The following MID1 variants were observed in gnomAD, a reference collection of about 807,000 sequenced individuals.
MID1 encodes E3 ubiquitin-protein ligase Midline-1.
Under a neutral mutation model 40.4 loss-of-function variants are expected in MID1, and 7 were observed. The observed-to-expected ratio is 0.17, with a 90% CI of 0.10 to 0.33. The LOEUF is 0.33. Ranked by LOEUF, MID1 falls within the 10% of genes least tolerant of loss-of-function variation. The pLI, the probability that MID1 is intolerant of heterozygous loss-of-function variation, is 1.00. For missense variants in MID1, 367 were observed against 558.5 expected, an observed-to-expected ratio of 0.66 and a Z score of 3.46; for synonymous variants, 229 against 221.2, an observed-to-expected ratio of 1.04 and a Z score of -0.31.
chrX:10,589,503 A>G (rs761966701), intron 1 of MID1: 1 of 111,784 alleles, frequency 8.9e-6, no homozygotes, highest in South Asian at 3.9e-4. Flanking sequence ...AACCAAAACC[A>G]AAGTGCCGAT....
intron 1 of MID1, among the ~76,000 whole-genome samples, chrX:10,647,368 T>C (rs1216204430): frequency 9.0e-6 from 1 of 111,444 alleles, no homozygotes. Context: ...TATTTCTAGT[T>C]GTGATTTGAT....
At chrX:10,636,049 TAGAG>T (rs750414476) in intron 1 of MID1, among the ~76,000 whole-genome samples, 3 of 112,018 alleles carry the variant, frequency 2.7e-5, no homozygotes, top group African/African-American at 6.5e-5. Flanking sequence ...CTTTGTTAGA[TAGAG>T]AGAAAGGAGA....
chrX:10,729,339 G>A (rs947400928), intron 1 of MID1, among the ~76,000 whole-genome samples: 1 of 111,267 alleles, frequency 9.0e-6, no homozygotes, highest in Non-Finnish European at 1.9e-5. Flanking sequence ...GTAAATCCAC[G>A]GTGCATTCTT....
At chrX:10,630,801 T>A (rs1230623835) in intron 1 of MID1, among the ~76,000 whole-genome samples, 1 of 111,094 alleles carries the variant, frequency 9.0e-6, no homozygotes, top group Non-Finnish European at 1.9e-5. Context: ...CTTGGGGAGT[T>A]CCTGGATAGA....
chrX:10,662,069 C>T (rs183682547), intron 1 of MID1, among the ~76,000 whole-genome samples: 2,664 of 111,655 alleles, frequency 0.024, 32 homozygotes, highest in African/African-American at 0.046. Context: ...CTTTGGGAGG[C>T]CGAGGTGGGC....
chrX:10,462,117 GA>G (rs1477398770), intron 7 of MID1, among the ~76,000 whole-genome samples: 2 of 111,845 alleles, frequency 1.8e-5, no homozygotes, highest in Non-Finnish European at 3.8e-5. Flanking sequence ...TTTTTTCCTT[GA>G]AAATTAAAAG....
chrX:10,499,210 C>T (rs750833110), intron 3 of MID1, among the ~76,000 whole-genome samples: 5 of 111,827 alleles, frequency 4.5e-5, no homozygotes, highest in Non-Finnish European at 9.4e-5. Flanking sequence ...TGTTGACCAT[C>T]TTTTTCGTGA....
At chrX:10,808,615 C>A (rs1429607857) in intron 1 of MID1, among the ~76,000 whole-genome samples, 4 of 110,568 alleles carry the variant, frequency 3.6e-5, no homozygotes, top group African/African-American at 1.3e-4. Context: ...TCTAGGAAAC[C>A]ATCCTCTAAG....
intron 1 of MID1, among the ~76,000 whole-genome samples, chrX:10,684,347 C>T (rs2043078825): frequency 9.5e-6 from 1 of 105,537 alleles, no homozygotes; most frequent in Admixed American, 1.0e-4. Flanking sequence ...TGCTTGCTTG[C>T]TTTCTCTCTT....
At position 10,455,028 on chromosome X, in the gene MID1, C is replaced by T. The variant is rs756776800; in HGVS notation, c.1497G>A (p.Val499=). The change falls in exon 9 of 10, where the codon GTG becomes GTA. Residue 499 remains valine (V), a synonymous_variant. Coordinates refer to ENST00000317552, the MANE Select transcript of MID1 (RefSeq NM_000381.4). ...GTTCTACTGTCAAGTTATCATGGGA[C>T]ACCTTCAGTTTTCGATGAGCAGATT... ...DPKSAHRKLK[V]SHDNLTVERD... The T allele has an allele frequency of 3.3e-6, 4 of 1,211,301 alleles. No homozygotes were observed. Among genetic ancestry groups the T allele is most frequent in the South Asian group, 1.8e-5 (1 of 56,995 alleles).
At chrX:10,609,829 T>G (rs748385670) in intron 1 of MID1, among the ~76,000 whole-genome samples, 163 of 107,191 alleles carry the variant, frequency 1.5e-3, no homozygotes, top group Middle Eastern at 4.9e-3. Context: ...GCCATTCTCC[T>G]GCCTCAGCCT....
chrX:10,785,014 G>C lies in MID1; in HGVS notation c.-187+48540C>G, dbSNP rs142662608. Among the ~76,000 whole-genome samples the C allele has an allele frequency of 2.7e-3, 300 of 111,072 alleles. 1 individual carries two copies. Among genetic ancestry groups the C allele is most frequent in the African/African-American group, 9.5e-3 (289 of 30,552 alleles). On this transcript the variant is annotated intron_variant, in intron 1 of 10. Coordinates refer to the MID1 transcript ENST00000380785. ...AAGAGGGTATTCAATTAGGAAAAGA[G>C]GAAGTCAAATTGTCCCTGTTTGCAG... is the stretch of plus-strand genomic sequence containing the variant.
At chrX:10,777,528 C>T in intron 1 of MID1, among the ~76,000 whole-genome samples, 1 of 107,754 alleles carries the variant, frequency 9.3e-6, no homozygotes, top group Non-Finnish European at 1.9e-5. Context: ...TATATAAGCT[C>T]TTTTCTTTTC....
chrX:10,455,161 A>G, intron 8 of MID1, 84 bp from the exon 9 acceptor site: 1 of 877,511 alleles, frequency 1.1e-6, no homozygotes, highest in Non-Finnish European at 1.7e-6. Context: ...TTTCAAAATC[A>G]GGTTTAAAAG....
At chrX:10,610,442 G>C (rs865782007) in intron 1 of MID1, among the ~76,000 whole-genome samples, 3 of 111,474 alleles carry the variant, frequency 2.7e-5, no homozygotes, top group African/African-American at 9.8e-5. Context: ...ATGGTACATC[G>C]TCATAGTGCA....
intron 1 of MID1, among the ~76,000 whole-genome samples, chrX:10,755,258 A>C (rs2043625657): frequency 8.9e-6 from 1 of 111,997 alleles, no homozygotes; most frequent in Admixed American, 9.5e-5. Context: ...AGAAAACAAA[A>C]ATCTACCTCC....
At chrX:10,735,279 T>A (rs2043480233) in intron 1 of MID1, among the ~76,000 whole-genome samples, 1 of 111,464 alleles carries the variant, frequency 9.0e-6, no homozygotes, top group Non-Finnish European at 1.9e-5. Context: ...ATTTTGTATT[T>A]TTAGTAAAGA....
At chrX:10,647,307 T>G (rs1569137435) in intron 1 of MID1, among the ~76,000 whole-genome samples, 1 of 111,915 alleles carries the variant, frequency 8.9e-6, no homozygotes, top group African/African-American at 3.2e-5. Flanking sequence ...TTTGACATTT[T>G]TATTAGTTTA....
intron 1 of MID1, among the ~76,000 whole-genome samples, chrX:10,663,538 T>C (rs2042930727): frequency 9.0e-6 from 1 of 111,658 alleles, no homozygotes; most frequent in African/African-American, 3.3e-5. Context: ...TTTTGTTTGT[T>C]TGTTTGTATT....
Sources: gnomAD v4.1 joint callset for allele counts (sites outside exome capture counted in the v4.1 genomes callset) on GRCh38, gnomAD v4.1.1 for gene constraint, MANE v1.5 for transcripts, NCBI Gene and HGNC (gene_info 2026-07-23, HGNC 2026-07-21) for gene names.